The following SCFD2 variants were observed in gnomAD, a reference collection of about 807,000 sequenced individuals.
SCFD2 encodes the protein sec1 family domain containing 2.
In SCFD2, 54 loss-of-function variants were observed where a neutral mutation model predicts 58.9. That is an observed-to-expected ratio of 0.92 (90% CI 0.74 to 1.15). The LOEUF (loss-of-function observed/expected upper bound fraction) is 1.15, where lower values mean the gene tolerates loss of function less well. Ranked by LOEUF, SCFD2 falls within the 50% of genes most tolerant of loss-of-function variation. SCFD2 has a pLI of 0.00. For synonymous variants in SCFD2, 321 were observed against 335.9 expected (o/e 0.96, Z 0.49); for missense variants, 805 against 836.6 (o/e 0.96, Z 0.47).
intron 5 of SCFD2, among the ~76,000 whole-genome samples, chr4:53,002,491 T>C (rs1721884570): frequency 6.6e-6 from 1 of 152,118 alleles, no homozygotes; most frequent in African/African-American, 2.4e-5. Context: ...TTTCTTCCTA[T>C]TAACAACAAC....
intron 3 of SCFD2, among the ~76,000 whole-genome samples, chr4:53,301,654 G>T (rs1027689689): frequency 1.5e-4 from 23 of 152,072 alleles, no homozygotes; most frequent in African/African-American, 5.5e-4. Flanking sequence ...ACAAAAAAAG[G>T]GAATTTTAGA....
chr4:52,911,445 C>T (rs1480693269), intron 6 of SCFD2, among the ~76,000 whole-genome samples: 1 of 152,196 alleles, frequency 6.6e-6, no homozygotes, highest in Non-Finnish European at 1.5e-5. Flanking sequence ...GTTTTCTCAA[C>T]CTCTTCATTC....
At chr4:53,229,164 A>G (rs956823689) in intron 4 of SCFD2, among the ~76,000 whole-genome samples, 3 of 152,238 alleles carry the variant, frequency 2.0e-5, no homozygotes, top group African/African-American at 7.2e-5. Context: ...ATGGCTAGGA[A>G]GAATCAATAT....
At chr4:52,953,171 A>G (rs1362007266) in intron 5 of SCFD2, among the ~76,000 whole-genome samples, 8 of 152,226 alleles carry the variant, frequency 5.3e-5, no homozygotes, top group African/African-American at 1.9e-4. Flanking sequence ...CAGTCCTCAC[A>G]GTGAGTCCTT....
At chr4:52,949,996 C>G (rs1358801293) in intron 5 of SCFD2, 1 of 152,044 alleles carries the variant, frequency 6.6e-6, no homozygotes, top group South Asian at 2.1e-4. Flanking sequence ...AGGGGTGGAC[C>G]GATGGCACCA....
chr4:53,217,103 T>C (rs796387769), intron 4 of SCFD2, among the ~76,000 whole-genome samples: 16 of 152,230 alleles, frequency 1.1e-4, no homozygotes, highest in South Asian at 8.3e-4. Context: ...GATGTGGTGC[T>C]GAGAAGAATG....
At chr4:53,292,633 G>A (rs982756682) in intron 3 of SCFD2, among the ~76,000 whole-genome samples, 15 of 151,844 alleles carry the variant, frequency 9.9e-5, no homozygotes, top group African/African-American at 3.1e-4. Context: ...CATTGTGGAC[G>A]ACAGTGTGGC....
chr4:53,265,398 A>G (rs1730953559), intron 4 of SCFD2: 1 of 152,200 alleles, frequency 6.6e-6, no homozygotes, highest in Non-Finnish European at 1.5e-5. Context: ...ATAAGGCTTA[A>G]AAAATATAGT....
rs1725597459 is a variant in SCFD2 at position 53,125,381 on chromosome 4, T to C, written c.1561+19952A>G. ...TCAGATGAGATCATTTCGGTTATAA[T>C]ATTATAAGAGTAACATTTTATTTAT... On this transcript the variant is annotated intron_variant, in intron 5 of 8. Transcript: ENST00000401642. 2.0e-5 allele frequency among the ~76,000 whole-genome samples: 3 copies of C among 152,238 alleles called. No individual in the cohort carries two copies. The South Asian group carries it at 6.2e-4, about 32-fold the overall frequency.
At chr4:53,250,878 A>T (rs1486411519) in intron 4 of SCFD2, among the ~76,000 whole-genome samples, 1 of 152,234 alleles carries the variant, frequency 6.6e-6, no homozygotes, top group African/African-American at 2.4e-5. Context: ...AGCAGAAGGC[A>T]AGAAATAACT....
At chr4:53,009,302 T>G (rs530678097) in intron 5 of SCFD2, among the ~76,000 whole-genome samples, 1 of 152,312 alleles carries the variant, frequency 6.6e-6, no homozygotes, top group African/African-American at 2.4e-5. Flanking sequence ...AAAGTCCTCA[T>G]AGGCACTAAA....
chr4:53,337,508 TA>T (rs1289266121), intron 2 of SCFD2, among the ~76,000 whole-genome samples: 1 of 152,178 alleles, frequency 6.6e-6, no homozygotes, highest in African/African-American at 2.4e-5. Flanking sequence ...AACTCATATG[TA>T]TTGCTGGTGG....
At chr4:53,296,473 C>G (rs759795679) in intron 3 of SCFD2, among the ~76,000 whole-genome samples, 1 of 152,004 alleles carries the variant, frequency 6.6e-6, no homozygotes. Context: ...TCTGTGGGAT[C>G]GGTGGTGATA....
At position 53,365,394 on chromosome 4, in the gene SCFD2, T is replaced by A. The variant is rs778090916; in HGVS notation, c.548A>T (p.Asp183Val). The A allele has an allele frequency of 1.2e-6, 2 of 1,614,098 alleles. No individual in the cohort carries two copies. Among genetic ancestry groups the A allele is most frequent in the East Asian group, 4.5e-5 (2 of 44,870 alleles). Residue 183 changes from aspartate to valine, a missense_variant, in exon 1 of 9, where the codon GAT becomes GTT. Asp to Val is a radical substitution (Grantham distance 152). This residue lies in a region of SCFD2 where 633 missense variants were observed against 646.8 expected (regional missense o/e 0.98). Transcript: ENST00000401642. This position sits in a 1 kb window ranked among gnomAD's most constrained non-coding sequence, Gnocchi z 4.3. Reference sequence around the variant, plus strand: ...TCGGGCGCTATTAAGGAGGTGCACATCCTGGGGTAGCAGTGGGAAAAGGGA... The same window carrying A: ...TCGGGCGCTATTAAGGAGGTGCACAACCTGGGGTAGCAGTGGGAAAAGGGA... ...FASLFPLLPQ[D>V]VHLLNSARPD...
intron 3 of SCFD2, among the ~76,000 whole-genome samples, chr4:53,301,073 A>G (rs558893846): frequency 9.3e-4 from 142 of 152,334 alleles, no homozygotes; most frequent in African/African-American, 3.3e-3. Flanking sequence ...TTCAAAAGCT[A>G]GCAGAAGGCA....
At chr4:53,240,342 A>T (rs139302437) in intron 4 of SCFD2, among the ~76,000 whole-genome samples, 2 of 152,366 alleles carry the variant, frequency 1.3e-5, no homozygotes, top group African/African-American at 2.4e-5. Flanking sequence ...CAATTTCAGG[A>T]TGTACCCAAA....
At chr4:53,329,539 C>T (rs1399210786) in intron 2 of SCFD2, among the ~76,000 whole-genome samples, 1 of 149,366 alleles carries the variant, frequency 6.7e-6, no homozygotes, top group Non-Finnish European at 1.5e-5. Flanking sequence ...AGGGTCCTGT[C>T]TGTTAGAAGG....
chr4:52,995,602 G>T (rs1721726765), intron 5 of SCFD2, among the ~76,000 whole-genome samples: 1 of 152,234 alleles, frequency 6.6e-6, no homozygotes, highest in Non-Finnish European at 1.5e-5. Flanking sequence ...TAATCCAAAA[G>T]CTTTCAATCT....
intron 5 of SCFD2, among the ~76,000 whole-genome samples, chr4:53,131,049 G>A (rs1427305142): frequency 6.6e-6 from 1 of 152,094 alleles, no homozygotes; most frequent in Non-Finnish European, 1.5e-5. Flanking sequence ...ATTAATAACT[G>A]TAATGATCCA....
Sources: gnomAD v4.1 joint callset for allele counts (sites outside exome capture counted in the v4.1 genomes callset) on GRCh38, gnomAD v4.1.1 for gene constraint, gnomAD v4.1.1 regional missense constraint, Gnocchi (gnomAD v3.1) non-coding constraint, MANE v1.5 for transcripts, NCBI Gene and HGNC (gene_info 2026-07-23, HGNC 2026-07-21) for gene names.